Variants in CSGALNACT1 observed in about 807,000 individuals in gnomAD.
CSGALNACT1 encodes chondroitin sulfate N-acetylgalactosaminyltransferase 1.
CSGALNACT1 carries 52 observed loss-of-function variants against 51.0 expected under a neutral mutation model. The observed-to-expected ratio is 1.02, with a 90% confidence interval of 0.82 to 1.29. The LOEUF (loss-of-function observed/expected upper bound fraction) is 1.29, where lower values mean the gene tolerates loss of function less well. Among genes scored for constraint, CSGALNACT1 ranks in the 50% most tolerant of loss-of-function variants. The pLI is 0.00. For synonymous variants in CSGALNACT1, 341 were observed against 254.4 expected (o/e 1.34, Z -3.24); for missense variants, 935 against 679.2 (o/e 1.38, Z -4.19).
At chr8:19,540,080 A>G (rs1018793494) in intron 3 of CSGALNACT1, among the ~76,000 whole-genome samples, 1 of 152,190 alleles carries the variant, frequency 6.6e-6, no homozygotes, top group Admixed American at 6.5e-5. Flanking sequence ...TCCTAACGCT[A>G]AACAACATCA....
At chr8:19,621,774 C>T (rs534974026) in intron 1 of CSGALNACT1, among the ~76,000 whole-genome samples, 2 of 152,260 alleles carry the variant, frequency 1.3e-5, no homozygotes, top group South Asian at 4.1e-4. Flanking sequence ...GAACAAGACG[C>T]TGTCTCTAAA....
At chr8:19,722,687 G>C (rs535242867) in intron 1 of CSGALNACT1, among the ~76,000 whole-genome samples, 19 of 152,276 alleles carry the variant, frequency 1.2e-4, no homozygotes, top group South Asian at 1.0e-3. Flanking sequence ...TCATGGATGG[G>C]CACTGGCCTT....
intron 3 of CSGALNACT1, among the ~76,000 whole-genome samples, chr8:19,568,609 T>C (rs935748120): frequency 6.6e-6 from 1 of 152,208 alleles, no homozygotes; most frequent in African/African-American, 2.4e-5. Context: ...TTTTATAGTG[T>C]ATATAAAGAA....
chr8:19,672,667 A>G (rs1348011716), intron 1 of CSGALNACT1, among the ~76,000 whole-genome samples: 1 of 152,208 alleles, frequency 6.6e-6, no homozygotes, highest in Non-Finnish European at 1.5e-5. Flanking sequence ...ACATAAATGA[A>G]AAGCATCTTT....
intron 1 of CSGALNACT1, among the ~76,000 whole-genome samples, chr8:19,651,738 C>T (rs1363015556): frequency 1.3e-5 from 2 of 152,066 alleles, no homozygotes; most frequent in African/African-American, 2.4e-5. Context: ...TATGCATGTG[C>T]ATTTATGGTA....
chr8:19,619,845 T>C (rs898204390), intron 1 of CSGALNACT1, among the ~76,000 whole-genome samples: 5 of 152,186 alleles, frequency 3.3e-5, no homozygotes, highest in Non-Finnish European at 7.3e-5. Context: ...ATCAGACTTG[T>C]TGACAAGAGG....
chr8:19,586,479 C>T (rs542815713), intron 3 of CSGALNACT1, among the ~76,000 whole-genome samples: 2 of 151,158 alleles, frequency 1.3e-5, no homozygotes, highest in African/African-American at 4.9e-5. Flanking sequence ...ACCTCTAAAA[C>T]ATATAAGATC....
At chr8:19,516,186 A>T (rs2079498273) in intron 3 of CSGALNACT1, among the ~76,000 whole-genome samples, 2 of 152,140 alleles carry the variant, frequency 1.3e-5, no homozygotes, top group Admixed American at 6.5e-5. Context: ...GCACTTCACA[A>T]ATATTATCTC....
intron 1 of CSGALNACT1, among the ~76,000 whole-genome samples, chr8:19,645,450 A>T (rs959067103): frequency 6.6e-6 from 1 of 152,224 alleles, no homozygotes; most frequent in African/African-American, 2.4e-5. Context: ...AGTCACACAG[A>T]CAGGAGGTAG....
At chr8:19,600,284 A>T (rs1221022984) in intron 2 of CSGALNACT1, among the ~76,000 whole-genome samples, 1 of 152,026 alleles carries the variant, frequency 6.6e-6, no homozygotes, top group East Asian at 1.9e-4. Context: ...GTTTCACCAT[A>T]TTGGCCAGGC....
chr8:19,632,702 A>G (rs1041171592), intron 1 of CSGALNACT1, among the ~76,000 whole-genome samples: 2 of 152,166 alleles, frequency 1.3e-5, no homozygotes, highest in Non-Finnish European at 2.9e-5. Context: ...AACTCTCCCC[A>G]GGAAAGGAAA....
chr8:19,726,966 T>C (rs1480860388), intron 1 of CSGALNACT1, among the ~76,000 whole-genome samples: 1 of 152,188 alleles, frequency 6.6e-6, no homozygotes, highest in Non-Finnish European at 1.5e-5. Context: ...AACATCCTCA[T>C]ACAGAGTTAC....
intron 6 of CSGALNACT1, among the ~76,000 whole-genome samples, chr8:19,430,167 A>T (rs1211407439): frequency 6.6e-6 from 1 of 152,210 alleles, no homozygotes; most frequent in African/African-American, 2.4e-5. Flanking sequence ...CTGTCTTTTC[A>T]CTTTTATGGT....
chr8:19,690,102 A>T (rs188511966), intron 1 of CSGALNACT1, among the ~76,000 whole-genome samples: 3 of 152,370 alleles, frequency 2.0e-5, no homozygotes, highest in Non-Finnish European at 4.4e-5. Context: ...CTGCAGGTAT[A>T]AATTTACTAC....
intron 4 of CSGALNACT1, among the ~76,000 whole-genome samples, chr8:19,478,417 A>T (rs1365938032): frequency 6.8e-6 from 1 of 147,912 alleles, no homozygotes; most frequent in African/African-American, 2.5e-5. Context: ...CCGTCTCAAA[A>T]AAAAAAAAAA....
At chr8:19,434,323 C>G (rs561789237) in intron 6 of CSGALNACT1, among the ~76,000 whole-genome samples, 34 of 152,062 alleles carry the variant, frequency 2.2e-4, no homozygotes, top group Non-Finnish European at 8.8e-5. Flanking sequence ...AAATTCTAAA[C>G]CTTCAGAAAA....
intron 4 of CSGALNACT1, among the ~76,000 whole-genome samples, chr8:19,478,130 C>G (rs1283060102): frequency 2.5e-5 from 3 of 121,060 alleles, no homozygotes; most frequent in East Asian, 6.8e-4. Flanking sequence ...ATACTCATGT[C>G]TGGGCCGGGT....
intron 3 of CSGALNACT1, among the ~76,000 whole-genome samples, chr8:19,547,522 G>A (rs573646304): frequency 9.9e-5 from 15 of 152,112 alleles, no homozygotes; most frequent in East Asian, 3.9e-4. Flanking sequence ...TTCCCCCTTC[G>A]CTTGGCTCTC....
In CSGALNACT1 at chr8:19,518,562, T is replaced by C. The variant is rs142478890; in HGVS notation, c.-296-12432A>G. Among the ~76,000 whole-genome samples the C allele has an allele frequency of 7.1e-3, 1,074 of 152,296 alleles. 13 individuals are homozygous for C. The highest frequency in any genetic ancestry group is 0.025 in the African/African-American group (1,021 of 41,562). ...CCTCAAACCAGACTATAAAATCCTG[T>C]GCAGTCTCTGCCACTCAGTCCTTTT... On this transcript the variant is annotated intron_variant, in intron 3 of 9. Transcript: ENST00000454498.
Sources: gnomAD v4.1 joint callset for allele counts (sites outside exome capture counted in the v4.1 genomes callset) on GRCh38, gnomAD v4.1.1 for gene constraint, MANE v1.5 for transcripts, NCBI Gene and HGNC (gene_info 2026-07-23, HGNC 2026-07-21) for gene names.